Variants in ATP8A2 observed in about 807,000 individuals in gnomAD.
The protein encoded by ATP8A2 is phospholipid-transporting ATPase IB.
A neutral mutation model predicts 165.6 loss-of-function variants in ATP8A2; 100 were observed. The observed-to-expected ratio is 0.60, with a 90% CI of 0.51 to 0.71. ATP8A2 has a LOEUF of 0.71. ATP8A2 is among the 30% of genes least tolerant of loss of function. The probability of loss-of-function intolerance (pLI) is 0.00; values close to 1 mark genes in which losing one functional copy is unlikely to be tolerated. For missense variants in ATP8A2, 1,227 were observed against 1,479.5 expected (o/e 0.83, Z 2.80); for synonymous variants, 543 against 548.8 (o/e 0.99, Z 0.15).
At position 25,857,301 on chromosome 13, in the gene ATP8A2, T is replaced by C. The variant is rs143394197; in HGVS notation, c.2957-2894T>C. On this transcript the variant is annotated intron_variant, in intron 30 of 36. Transcript: ENST00000381655. ...CATTCAGATCTGCTCAAATGTCACC[T>C]CCTCAGAAAGATTGTTCCAGAGCTC... is the stretch of plus-strand genomic sequence containing the variant. 5.7e-3 allele frequency among the ~76,000 whole-genome samples: 866 copies of C among 152,306 alleles called. 6 individuals carry two copies. Among genetic ancestry groups the C allele is most frequent in the African/African-American group, 0.02 (823 of 41,578 alleles).
intron 25 of ATP8A2, among the ~76,000 whole-genome samples, chr13:25,714,817 C>G (rs544902615): frequency 6.6e-6 from 1 of 152,148 alleles, no homozygotes; most frequent in Non-Finnish European, 1.5e-5. Context: ...TGCTTAGCTA[C>G]TTTTATCTCC....
intron 2 of ATP8A2, among the ~76,000 whole-genome samples, chr13:25,500,875 A>G (rs1451506719): frequency 6.6e-6 from 1 of 152,136 alleles, no homozygotes; most frequent in East Asian, 1.9e-4. Context: ...CCTGGCACCA[A>G]TATATATAAT....
At chr13:25,640,346 T>C (rs1460712848) in intron 24 of ATP8A2, among the ~76,000 whole-genome samples, 5 of 151,950 alleles carry the variant, frequency 3.3e-5, no homozygotes, top group Non-Finnish European at 7.4e-5. Flanking sequence ...ACAAAATTGA[T>C]AGACTGCTAG....
At chr13:25,450,605 C>G (rs941943260) in intron 1 of ATP8A2, among the ~76,000 whole-genome samples, 2 of 151,954 alleles carry the variant, frequency 1.3e-5, no homozygotes, top group African/African-American at 4.8e-5. Context: ...GATCTCGGCT[C>G]ACTGCAAGCT....
chr13:25,455,233 C>T (rs531947105), intron 1 of ATP8A2, among the ~76,000 whole-genome samples: 5 of 152,274 alleles, frequency 3.3e-5, no homozygotes, highest in South Asian at 4.1e-4. Flanking sequence ...GGACCTGATA[C>T]GAGACTCCTT....
chr13:25,911,773 T>G (rs531745247), intron 33 of ATP8A2, among the ~76,000 whole-genome samples: 5 of 152,330 alleles, frequency 3.3e-5, no homozygotes, highest in Non-Finnish European at 5.9e-5. Context: ...TTAGGCTAAA[T>G]GAGCCCCCAA....
At chr13:25,530,480 C>T (rs1231189344) in intron 3 of ATP8A2, 82 bp from the exon 4 acceptor site, 10 of 779,308 alleles carry the variant, frequency 1.3e-5, no homozygotes, top group East Asian at 2.7e-5. Flanking sequence ...AAGTGTGAAA[C>T]GTACGTGACT....
chr13:25,395,908 A>G (rs1327179393), intron 1 of ATP8A2, among the ~76,000 whole-genome samples: 1 of 151,892 alleles, frequency 6.6e-6, no homozygotes, highest in Non-Finnish European at 1.5e-5. Flanking sequence ...CAGTGGCGCA[A>G]TCTCAGCTCA....
chr13:25,391,743 C>T (rs1350090399), intron 1 of ATP8A2, among the ~76,000 whole-genome samples: 5 of 152,128 alleles, frequency 3.3e-5, no homozygotes, highest in Non-Finnish European at 7.4e-5. Context: ...TGGATGCTGA[C>T]GTTTTTGCCC....
intron 25 of ATP8A2, among the ~76,000 whole-genome samples, chr13:25,759,056 A>T (rs1364662235): frequency 5.3e-5 from 8 of 152,170 alleles, no homozygotes. Flanking sequence ...AGAGGAAGAG[A>T]GAAGTATTAA....
intron 25 of ATP8A2, among the ~76,000 whole-genome samples, chr13:25,759,536 T>C (rs924586377): frequency 6.6e-6 from 1 of 152,118 alleles, no homozygotes; most frequent in African/African-American, 2.4e-5. Context: ...ATGTTAACTT[T>C]GAGGAAGCCA....
At chr13:25,710,287 G>A (rs1460214384) in intron 25 of ATP8A2, among the ~76,000 whole-genome samples, 2 of 152,088 alleles carry the variant, frequency 1.3e-5, no homozygotes, top group Non-Finnish European at 2.9e-5. Flanking sequence ...CAACTCCGCT[G>A]TTTTAATTAT....
chr13:25,475,972 T>C (rs756403423), intron 2 of ATP8A2, among the ~76,000 whole-genome samples: 3 of 152,236 alleles, frequency 2.0e-5, no homozygotes, highest in Non-Finnish European at 2.9e-5. Context: ...GCAGGTTGTC[T>C]GTTCACTCTG....
chr13:25,878,692 C>T (rs906636880), intron 33 of ATP8A2, among the ~76,000 whole-genome samples: 1 of 152,130 alleles, frequency 6.6e-6, no homozygotes, highest in Middle Eastern at 3.4e-3. Flanking sequence ...CTTCATTTTA[C>T]CCAGCCCCTA....
intron 30 of ATP8A2, among the ~76,000 whole-genome samples, chr13:25,842,054 A>G (rs1052807955): frequency 2.0e-5 from 3 of 152,182 alleles, no homozygotes; most frequent in African/African-American, 7.2e-5. Context: ...TCAACACATG[A>G]GCTTTGCGGG....
intron 24 of ATP8A2, among the ~76,000 whole-genome samples, chr13:25,649,416 G>A (rs1327447728): frequency 6.6e-6 from 1 of 152,188 alleles, no homozygotes; most frequent in East Asian, 1.9e-4. Flanking sequence ...GGCCAGGGTT[G>A]TGGGAGGGGC....
intron 10 of ATP8A2, among the ~76,000 whole-genome samples, chr13:25,548,240 A>G (rs1020734317): frequency 1.3e-5 from 2 of 151,974 alleles, no homozygotes; most frequent in Admixed American, 1.3e-4. Context: ...AAACAAACAA[A>G]CAAACAAAAC....
intron 25 of ATP8A2, among the ~76,000 whole-genome samples, chr13:25,723,128 A>G (rs1425660767): frequency 2.6e-5 from 4 of 152,232 alleles, no homozygotes; most frequent in African/African-American, 9.6e-5. Flanking sequence ...GTTACATATG[A>G]TGTGGCTACA....
chr13:25,647,964 C>G (rs1365797891), intron 24 of ATP8A2, among the ~76,000 whole-genome samples: 1 of 152,162 alleles, frequency 6.6e-6, no homozygotes, highest in East Asian at 1.9e-4. Flanking sequence ...GCTGGGATTA[C>G]AGACATGAGC....
Sources: gnomAD v4.1 joint callset for allele counts (sites outside exome capture counted in the v4.1 genomes callset) on GRCh38, gnomAD v4.1.1 for gene constraint, MANE v1.5 for transcripts, NCBI Gene and HGNC (gene_info 2026-07-23, HGNC 2026-07-21) for gene names.